PIK3CA: variants seen among roughly 807,000 people sequenced by gnomAD.
The protein encoded by PIK3CA is phosphatidylinositol 4,5-bisphosphate 3-kinase catalytic subunit alpha isoform.
A neutral mutation model predicts 138.2 loss-of-function variants in PIK3CA; 27 were observed. The ratio of observed to expected loss-of-function variants is 0.20; its 90% CI spans 0.14 to 0.27. PIK3CA has a LOEUF of 0.27. PIK3CA is among the 10% of genes least tolerant of loss of function. PIK3CA has a pLI of 1.00. For missense variants in PIK3CA, 544 were observed against 1,277.4 expected (o/e 0.43, Z 8.75); for synonymous variants, 358 against 413.2 (o/e 0.87, Z 1.62).
intron 1 of PIK3CA, among the ~76,000 whole-genome samples, chr3:179,160,641 C>T (rs2108354085): frequency 6.6e-6 from 1 of 152,294 alleles, no homozygotes; most frequent in East Asian, 1.9e-4. Context: ...TGTAAGCCTT[C>T]ACCCTTCTTA....
intron 1 of PIK3CA, among the ~76,000 whole-genome samples, chr3:179,196,167 G>A (rs1005279124): frequency 6.6e-6 from 1 of 152,128 alleles, no homozygotes; most frequent in African/African-American, 2.4e-5. Context: ...AACATATGAG[G>A]GTTCCCTGTG....
rs1725310889 is a variant in PIK3CA at position 179,235,239 on chromosome 3, T to C, written c.*875T>C. The C allele has an allele frequency of 5.5e-6, 1 of 182,558 alleles. No individual in the cohort carries two copies. The allele number at this position is 182,558 out of a possible 1,614,324, so 11.3% of individuals were successfully genotyped here. On this transcript the variant is annotated 3_prime_UTR_variant, in exon 21 of 21. Transcript: ENST00000263967. ...CCTTCTGCAATTGAACTGAATACAT[T>C]TTTCATGCATGTTTTCCAGAAAATA...
In PIK3CA at chr3:179,199,974, C is replaced by CT. The variant is rs762831149; in HGVS notation, c.562+88dup. ...ACCTGTGTCTATATCTTTGTATAGTCTTTTTTTTTTTTTCCAGCTAGATAG... is the reference window on the plus strand; with the variant it reads ...ACCTGTGTCTATATCTTTGTATAGTCTTTTTTTTTTTTTTCCAGCTAGATAG... On this transcript the variant is annotated intron_variant, in intron 3 of 20. Transcript: ENST00000263967. 0.15 allele frequency: 102,138 copies of CT among 670,746 alleles called. 2,779 individuals carry two copies. The highest frequency in any genetic ancestry group is 0.28 in the African/African-American group (14,975 of 53,334). The allele number at this position is 670,746 out of a possible 1,614,324, so 41.5% of individuals were successfully genotyped here. A position where few individuals can be genotyped will look rare whatever the true frequency, so the allele number is the denominator to read the frequency against.
At chr3:179,191,012 C>T (rs1724121993) in intron 1 of PIK3CA, among the ~76,000 whole-genome samples, 1 of 152,094 alleles carries the variant, frequency 6.6e-6, no homozygotes, top group Admixed American at 6.6e-5. Context: ...CTTGGGTGTG[C>T]GGACCTCTAG....
Position 179,219,066 on chromosome 3 carries a change from G to T in PIK3CA, c.1665-130G>T, listed in dbSNP as rs529594724. On this transcript the variant is annotated intron_variant, in intron 10 of 20. Transcript: ENST00000263967. This position sits in a 1 kb window ranked among gnomAD's most constrained non-coding sequence, Gnocchi z 4.2. ...ATAGTGTTAAACACTGATGTCTTTT[G>T]AATTTTAAAAAAGCTAGTAATGTAA... The T allele has an allele frequency of 1.5e-3, 852 of 555,536 alleles. 1 individual carries two copies. The highest frequency in any genetic ancestry group is 3.2e-3 in the Admixed American group (96 of 30,016). The allele number at this position is 555,536 out of a possible 1,614,324, so 34.4% of individuals were successfully genotyped here. A position where few individuals can be genotyped will look rare whatever the true frequency, so the allele number is the denominator to read the frequency against.
intron 9 of PIK3CA, among the ~76,000 whole-genome samples, chr3:179,216,849 G>A (rs1421908421): frequency 6.6e-6 from 1 of 151,890 alleles, no homozygotes; most frequent in Non-Finnish European, 1.5e-5. Flanking sequence ...AACAGTAGCA[G>A]CTTCTTTTCC....
chr3:179,167,221 A>G (rs1243683080), intron 1 of PIK3CA, among the ~76,000 whole-genome samples: 1 of 152,142 alleles, frequency 6.6e-6, no homozygotes, highest in Non-Finnish European at 1.5e-5. Context: ...TGGGAAGTGG[A>G]AGAATTGCCT....
At chr3:179,148,319 G>C (rs1196299720), upstream of PIK3CA, 7 of 151,846 alleles carry the variant, frequency 4.6e-5, no homozygotes, top group Non-Finnish European at 1.0e-4. Context: ...CGTGTGGCGG[G>C]GGCTAGCGAG....
intron 14 of PIK3CA, among the ~76,000 whole-genome samples, chr3:179,221,696 C>CTT (rs200211358): frequency 0.032 from 2,496 of 77,558 alleles, 490 homozygotes; most frequent in African/African-American, 0.12. Context: ...ACAATGTAAA[C>CTT]TTTTTTTTTT....
At chr3:179,215,546 T>C (rs1445624528) in intron 9 of PIK3CA, among the ~76,000 whole-genome samples, 3 of 152,046 alleles carry the variant, frequency 2.0e-5, no homozygotes, top group Non-Finnish European at 4.4e-5. Flanking sequence ...TATGAAAATA[T>C]AAAAGAAGGA....
At chr3:179,153,069 G>T (rs1187432961) in intron 1 of PIK3CA, among the ~76,000 whole-genome samples, 1 of 150,144 alleles carries the variant, frequency 6.7e-6, no homozygotes, top group African/African-American at 2.4e-5. Flanking sequence ...TGAAGTCTCT[G>T]TTCACCAAAC....
intron 1 of PIK3CA, among the ~76,000 whole-genome samples, chr3:179,164,406 C>T (rs979841843): frequency 1.3e-5 from 2 of 152,154 alleles, no homozygotes; most frequent in African/African-American, 4.8e-5. Context: ...AATATGAATA[C>T]ACTTTCCATC....
At position 179,220,091 on chromosome 3, in the gene PIK3CA, A is replaced by G; in HGVS notation, c.2015+39A>G. ...TTTTCCCATTAAATTCTTAAGGTAC[A>G]TATTACTTGCTTTCTTAATAGATTT... On this transcript the variant is annotated intron_variant, in intron 13 of 20. Transcript: ENST00000263967. This position sits in a 1 kb window ranked among gnomAD's most constrained non-coding sequence, Gnocchi z 4.1. 3.7e-6 allele frequency: 5 copies of G among 1,351,884 alleles called. No individual in the cohort carries two copies. Among genetic ancestry groups the G allele is most frequent in the Non-Finnish European group, 5.1e-6 (5 of 977,056 alleles). 83.7% of individuals were successfully genotyped at this position (1,351,884 alleles called of 1,614,324 possible).
intron 1 of PIK3CA, among the ~76,000 whole-genome samples, chr3:179,194,569 A>G (rs1461522243): frequency 1.3e-5 from 2 of 152,034 alleles, no homozygotes; most frequent in African/African-American, 4.8e-5. Flanking sequence ...AAACTCTAAC[A>G]TGGTTTTACA....
At chr3:179,192,767 G>C (rs926154413) in intron 1 of PIK3CA, among the ~76,000 whole-genome samples, 1 of 152,226 alleles carries the variant, frequency 6.6e-6, no homozygotes. Context: ...ACAAAAGCAA[G>C]TGGTGAGTTG....
Position 179,217,859 on chromosome 3 carries a change from C to T in PIK3CA, c.1540-351C>T, listed in dbSNP as rs557936112. On this transcript the variant is annotated intron_variant, in intron 9 of 20. Coordinates refer to ENST00000263967, the MANE Select transcript of PIK3CA (RefSeq NM_006218.4). ...TTATTCTCTATATCAAAAACATTCA[C>T]AGATAAGTTAACAAGATCCTCATCA... 7.2e-5 allele frequency among the ~76,000 whole-genome samples: 11 copies of T among 152,138 alleles called. No individual in the cohort carries two copies. The South Asian group carries it at 2.1e-3, about 29-fold the overall frequency.
At chr3:179,202,264 G>A (rs1170362997) in intron 4 of PIK3CA, among the ~76,000 whole-genome samples, 1 of 151,878 alleles carries the variant, frequency 6.6e-6, no homozygotes, top group African/African-American at 2.4e-5. Context: ...TTTAGAGACA[G>A]AGTCTCATAT....
At chr3:179,214,977 C>T (rs548019809) in intron 9 of PIK3CA, among the ~76,000 whole-genome samples, 4 of 152,244 alleles carry the variant, frequency 2.6e-5, no homozygotes, top group East Asian at 1.9e-4. Flanking sequence ...GTCAATGCCA[C>T]GAGAAGATGT....
chr3:179,178,395 T>C (rs1440527852), intron 1 of PIK3CA, among the ~76,000 whole-genome samples: 1 of 152,032 alleles, frequency 6.6e-6, no homozygotes, highest in Non-Finnish European at 1.5e-5. Flanking sequence ...TGAAAAGATT[T>C]CCACCATCAT....
Sources: allele counts gnomAD v4.1 joint callset (sites outside exome capture counted in the v4.1 genomes callset), GRCh38; gene constraint gnomAD v4.1.1; non-coding constraint Gnocchi (gnomAD v3.1); transcripts MANE v1.5; gene names NCBI Gene and HGNC (gene_info 2026-07-23, HGNC 2026-07-21).